SCARA5: variants seen among roughly 807,000 people sequenced by gnomAD.
SCARA5 encodes the protein scavenger receptor class A member 5.
A neutral mutation model predicts 46.3 loss-of-function variants in SCARA5; 45 were observed. The observed-to-expected ratio is 0.97, with a 90% CI of 0.76 to 1.24. SCARA5 has a LOEUF of 1.24. Ranked by LOEUF, SCARA5 falls within the 50% of genes most tolerant of loss-of-function variation. The pLI is 0.00. For missense variants in SCARA5, 680 were observed against 689.0 expected, an observed-to-expected ratio of 0.99 and a Z score of 0.15; for synonymous variants, 333 against 306.5, an observed-to-expected ratio of 1.09 and a Z score of -0.90.
At chr8:27,956,554 C>T (rs980613726) in intron 3 of SCARA5, among the ~76,000 whole-genome samples, 5 of 152,210 alleles carry the variant, frequency 3.3e-5, no homozygotes, top group African/African-American at 4.8e-5. Flanking sequence ...TTGTTATCCC[C>T]ATTTTATTGG....
At chr8:27,890,400 G>A (rs1325997344) in intron 7 of SCARA5, among the ~76,000 whole-genome samples, 1 of 152,244 alleles carries the variant, frequency 6.6e-6, no homozygotes, top group East Asian at 1.9e-4. Flanking sequence ...CTCCATCTGT[G>A]AAGGTTACAA....
chr8:27,955,054 C>T (rs1286642174), intron 3 of SCARA5, among the ~76,000 whole-genome samples: 2 of 152,200 alleles, frequency 1.3e-5, no homozygotes, highest in African/African-American at 4.8e-5. Context: ...ACTTCCCACC[C>T]TCAGAGGTGG....
At chr8:27,899,806 A>T (rs555776046) in intron 7 of SCARA5, among the ~76,000 whole-genome samples, 43 of 152,216 alleles carry the variant, frequency 2.8e-4, no homozygotes, top group Admixed American at 4.6e-4. Context: ...GGACACATTC[A>T]ACTTCCACAT....
At chr8:27,970,869 CAA>C (rs1808437565) in intron 2 of SCARA5, among the ~76,000 whole-genome samples, 1 of 152,004 alleles carries the variant, frequency 6.6e-6, no homozygotes, top group African/African-American at 2.4e-5. Flanking sequence ...AAAAAATTAA[CAA>C]AATTTTGGCT....
chr8:27,907,136 G>A lies in SCARA5; in HGVS notation c.1096+12C>T, dbSNP rs1461299274. On this transcript the variant is annotated intron_variant, in intron 6 of 8. Coordinates refer to ENST00000354914, the MANE Select transcript of SCARA5 (RefSeq NM_173833.6). ...GGTGGTGAGGCTCAGGGAGAACTGA[G>A]ATTGTTATTACCTTTGAACCCACGC... 1 of 1,598,538 alleles carries A rather than the reference G, an allele frequency of 6.3e-7. No individual in the cohort carries two copies. Among genetic ancestry groups the A allele is most frequent in the African/African-American group, 1.3e-5 (1 of 74,450 alleles).
intron 5 of SCARA5, 90 bp from the exon 6 acceptor site, chr8:27,907,336 C>T: frequency 2.4e-6 from 2 of 820,920 alleles, no homozygotes; most frequent in East Asian, 2.6e-5. Context: ...CTCAGCCTCC[C>T]CCATGCATCC....
rs1283075012 is a variant in SCARA5 at position 27,921,822 on chromosome 8, T to C, written c.665A>G (p.Asp222Gly). Residue 222 changes from aspartate (D) to glycine (G), a missense_variant, in exon 4 of 9, where the codon GAC (aspartate) becomes GGC (glycine). Coordinates refer to ENST00000354914, the MANE Select transcript of SCARA5 (RefSeq NM_173833.6). ...GAGGCCGCGCAGCACGCCGCCCACGTCGGCCAGCTCCTCGCCCAGGATGCC... is the reference window on the plus strand; with the variant it reads ...GAGGCCGCGCAGCACGCCGCCCACGCCGGCCAGCTCCTCGCCCAGGATGCC... ...RVGILGEELADVGGVLRGLNH... is the reference protein window; with the variant it reads ...RVGILGEELAGVGGVLRGLNH... The C allele has an allele frequency of 1.9e-6, 3 of 1,547,914 alleles. No homozygotes were observed. Among genetic ancestry groups the C allele is most frequent in the Admixed American group, 3.8e-5 (2 of 52,114 alleles).
chr8:27,932,427 C>A (rs1371499002), intron 3 of SCARA5, among the ~76,000 whole-genome samples: 5 of 152,224 alleles, frequency 3.3e-5, no homozygotes, highest in Non-Finnish European at 7.3e-5. Context: ...TGTATTAGTC[C>A]TCTCCGGCTG....
chr8:27,875,313 T>C (rs1188638517), intron 8 of SCARA5, among the ~76,000 whole-genome samples: 1 of 152,126 alleles, frequency 6.6e-6, no homozygotes, highest in Non-Finnish European at 1.5e-5. Context: ...CAGGTAGTTT[T>C]GGGTTTTGGA....
intron 3 of SCARA5, among the ~76,000 whole-genome samples, chr8:27,964,605 T>G (rs1209969533): frequency 6.6e-6 from 1 of 152,148 alleles, no homozygotes; most frequent in Non-Finnish European, 1.5e-5. Flanking sequence ...TGAATGGAAA[T>G]CTGTCTCCTA....
At chr8:27,920,684 C>T (rs1171532898) in intron 4 of SCARA5, among the ~76,000 whole-genome samples, 5 of 150,848 alleles carry the variant, frequency 3.3e-5, no homozygotes, top group African/African-American at 9.8e-5. Context: ...TGGCAGTGTG[C>T]ACCTGTAGTC....
chr8:27,951,360 A>G (rs1009095926), intron 3 of SCARA5, among the ~76,000 whole-genome samples: 2 of 152,196 alleles, frequency 1.3e-5, no homozygotes, highest in Non-Finnish European at 2.9e-5. Context: ...ATCGGCGCCA[A>G]TGGAGCTCTG....
chr8:27,955,698 C>A (rs1218563495), intron 3 of SCARA5, among the ~76,000 whole-genome samples: 1 of 152,250 alleles, frequency 6.6e-6, no homozygotes, highest in Non-Finnish European at 1.5e-5. Flanking sequence ...CTGCCTCCCC[C>A]TTTTCCCTCC....
At chr8:27,917,855 A>G (rs909629384) in intron 4 of SCARA5, among the ~76,000 whole-genome samples, 30 of 152,192 alleles carry the variant, frequency 2.0e-4, no homozygotes, top group Non-Finnish European at 4.0e-4. Context: ...GGAAAAGCTA[A>G]GATCCCAGGG....
At chr8:27,906,589 A>G (rs1040337859) in intron 6 of SCARA5, among the ~76,000 whole-genome samples, 1 of 152,246 alleles carries the variant, frequency 6.6e-6, no homozygotes, top group African/African-American at 2.4e-5. Flanking sequence ...GCAACCTACC[A>G]TAACACTCCC....
chr8:27,928,900 C>G (rs1335047853), intron 3 of SCARA5, among the ~76,000 whole-genome samples: 2 of 152,070 alleles, frequency 1.3e-5, no homozygotes, highest in African/African-American at 4.8e-5. Flanking sequence ...TCCTGACCCA[C>G]CTAGGCCTCC....
chr8:27,908,157 T>C (rs1176508482), intron 5 of SCARA5, among the ~76,000 whole-genome samples: 2 of 119,370 alleles, frequency 1.7e-5, no homozygotes, highest in African/African-American at 3.0e-5. Context: ...GGGAGCGGGG[T>C]GGGAAGAAGA....
intron 8 of SCARA5, 69 bp downstream of exon 8, chr8:27,879,500 T>C (rs566416323): frequency 1.4e-6 from 2 of 1,472,080 alleles, no homozygotes; most frequent in African/African-American, 2.8e-5. Context: ...GACTCGGGCT[T>C]TGGAGGTGAG....
intron 4 of SCARA5, among the ~76,000 whole-genome samples, chr8:27,919,092 A>AGG (rs1807537733): frequency 6.8e-6 from 1 of 146,358 alleles, no homozygotes; most frequent in Admixed American, 6.8e-5. Flanking sequence ...AGGGTGGAGG[A>AGG]GGAGAAGGAA....
Sources: allele counts gnomAD v4.1 joint callset (sites outside exome capture counted in the v4.1 genomes callset), GRCh38; gene constraint gnomAD v4.1.1; transcripts MANE v1.5; gene names NCBI Gene and HGNC (gene_info 2026-07-23, HGNC 2026-07-21).